The following WDR70 variants were observed in gnomAD, a reference collection of about 807,000 sequenced individuals.
The protein encoded by WDR70 is WD repeat-containing protein 70.
In WDR70, 53 loss-of-function variants were observed where a neutral mutation model predicts 88.6. That is an observed-to-expected ratio of 0.60 (90% CI 0.48 to 0.75). The LOEUF is 0.75. WDR70 is among the 30% of genes least tolerant of loss of function. The pLI, the probability that WDR70 is intolerant of heterozygous loss-of-function variation, is 0.00. For synonymous variants in WDR70, 280 were observed against 270.0 expected (o/e 1.04, Z -0.36); for missense variants, 610 against 823.2 (o/e 0.74, Z 3.17).
In WDR70 at chr5:37,742,663, T is replaced by C. The variant is rs913963006; in HGVS notation, c.1878-9823T>C. On this transcript the variant is annotated intron_variant, in intron 17 of 17. Transcript: ENST00000265107. ...TCCAAGAAATCATTGCCAAATCTAA[T>C]GTCTGTGTTTTCTTCTATGAGTTAT... 3.9e-5 allele frequency among the ~76,000 whole-genome samples: 6 copies of C among 152,226 alleles called. 1 individual carries two copies. The highest frequency in any genetic ancestry group is 3.9e-4 in the Admixed American group (6 of 15,284).
At chr5:37,525,783 A>G (rs1035692923) in intron 9 of WDR70, among the ~76,000 whole-genome samples, 2 of 152,156 alleles carry the variant, frequency 1.3e-5, no homozygotes, top group African/African-American at 4.8e-5. Context: ...GATGCAATAC[A>G]AAAATGATAA....
rs529047860 is a variant in WDR70 at position 37,718,920 on chromosome 5, A to G, written c.1417-2195A>G. Among the ~76,000 whole-genome samples the G allele has an allele frequency of 9.9e-5, 15 of 152,250 alleles. No homozygotes were observed. In the South Asian group the frequency reaches 2.9e-3, roughly 29 times the overall value. The stretch of plus-strand genomic sequence containing the variant: ...AATCAGCATCATTAATAAATAAGTT[A>G]TATATTATATTAAAAGATGATACAT... On this transcript the variant is annotated intron_variant, in intron 13 of 17. Coordinates refer to ENST00000265107, the MANE Select transcript of WDR70 (RefSeq NM_018034.4).
intron 5 of WDR70, among the ~76,000 whole-genome samples, chr5:37,429,923 G>A (rs1245063343): frequency 6.6e-6 from 1 of 152,170 alleles, no homozygotes; most frequent in Non-Finnish European, 1.5e-5. Context: ...TGAATCTGTA[G>A]ATTAGTTTTG....
intron 5 of WDR70, among the ~76,000 whole-genome samples, chr5:37,420,621 G>A (rs1749917359): frequency 6.6e-6 from 1 of 151,848 alleles, no homozygotes; most frequent in South Asian, 2.1e-4. Flanking sequence ...TGTACAGATG[G>A]GGTCTTCATA....
intron 5 of WDR70, among the ~76,000 whole-genome samples, chr5:37,433,559 A>G (rs1254807411): frequency 6.6e-6 from 1 of 152,186 alleles, no homozygotes; most frequent in Admixed American, 6.5e-5. Flanking sequence ...TAAAAATGGC[A>G]TAGTGCTGTA....
intron 10 of WDR70, among the ~76,000 whole-genome samples, chr5:37,690,158 G>A (rs986163955): frequency 6.6e-6 from 1 of 152,142 alleles, no homozygotes; most frequent in Admixed American, 6.5e-5. Flanking sequence ...GACAAGGTTA[G>A]AGAAAAAAGA....
At chr5:37,452,290 A>T (rs1581293147) in intron 7 of WDR70, among the ~76,000 whole-genome samples, 1 of 144,404 alleles carries the variant, frequency 6.9e-6, no homozygotes, top group South Asian at 2.2e-4. Flanking sequence ...TTTGAGATGG[A>T]GTCTGTCTCA....
chr5:37,581,728 G>A (rs1460545615), intron 9 of WDR70, among the ~76,000 whole-genome samples: 2 of 152,102 alleles, frequency 1.3e-5, no homozygotes, highest in African/African-American at 2.4e-5. Context: ...ACATATATAC[G>A]ATTTTAGGTA....
At chr5:37,418,594 T>TA (rs1258974464) in intron 5 of WDR70, among the ~76,000 whole-genome samples, 9 of 152,236 alleles carry the variant, frequency 5.9e-5, no homozygotes, top group African/African-American at 2.2e-4. Context: ...GAAAAAAAGT[T>TA]AGGATGTTCT....
chr5:37,465,784 TA>T (rs1336418237), intron 7 of WDR70, among the ~76,000 whole-genome samples: 1 of 80,392 alleles, frequency 1.2e-5, no homozygotes, highest in Non-Finnish European at 2.4e-5. Flanking sequence ...TTATTTATAT[TA>T]AAAAAATTTC....
At chr5:37,585,053 C>T (rs998678263) in intron 9 of WDR70, among the ~76,000 whole-genome samples, 2 of 149,860 alleles carry the variant, frequency 1.3e-5, no homozygotes, top group Non-Finnish European at 3.0e-5. Flanking sequence ...TGCCATGGCA[C>T]GATATCGGCT....
intron 8 of WDR70, chr5:37,505,737 A>ATAG (rs764432130): frequency 6.9e-6 from 9 of 1,298,702 alleles, no homozygotes; most frequent in Non-Finnish European, 1.0e-5. Context: ...CTCTTCAAAT[A>ATAG]TAGCTCCCTA....
intron 10 of WDR70, among the ~76,000 whole-genome samples, chr5:37,644,054 T>TCACTAA (rs1462304221): frequency 2.6e-5 from 4 of 152,016 alleles, no homozygotes; most frequent in African/African-American, 9.7e-5. Flanking sequence ...ACATCCTTGT[T>TCACTAA]GTGTTCTAGA....
chr5:37,511,124 C>T (rs1468108218), intron 8 of WDR70, among the ~76,000 whole-genome samples: 1 of 152,168 alleles, frequency 6.6e-6, no homozygotes, highest in Non-Finnish European at 1.5e-5. Context: ...TCAAACTTTT[C>T]TCCACAATTT....
intron 5 of WDR70, among the ~76,000 whole-genome samples, chr5:37,418,591 A>T (rs1749835243): frequency 6.6e-6 from 1 of 152,186 alleles, no homozygotes; most frequent in African/African-American, 2.4e-5. Context: ...CATGAAAAAA[A>T]GTTAGGATGT....
At chr5:37,698,701 G>A (rs761166455) in intron 11 of WDR70, among the ~76,000 whole-genome samples, 11 of 152,140 alleles carry the variant, frequency 7.2e-5, no homozygotes, top group South Asian at 4.1e-4. Flanking sequence ...ACAACCCAGT[G>A]TATAGGATAG....
At chr5:37,680,352 T>A (rs913259244) in intron 10 of WDR70, among the ~76,000 whole-genome samples, 6 of 152,220 alleles carry the variant, frequency 3.9e-5, no homozygotes, top group Non-Finnish European at 7.3e-5. Context: ...GTAGGTTGTC[T>A]GTTTACTCTG....
intron 9 of WDR70, among the ~76,000 whole-genome samples, chr5:37,601,136 T>C (rs1467182187): frequency 6.6e-6 from 1 of 152,216 alleles, no homozygotes; most frequent in Non-Finnish European, 1.5e-5. Context: ...CTCTGCACTG[T>C]TGAGTATGAT....
At chr5:37,505,621 G>A (rs147164901) in intron 8 of WDR70, 2 of 752,056 alleles carry the variant, frequency 2.7e-6, no homozygotes. Context: ...AACTGAGTGG[G>A]TGGAGAAAGA....
Sources: gnomAD v4.1 joint callset for allele counts (sites outside exome capture counted in the v4.1 genomes callset) on GRCh38, gnomAD v4.1.1 for gene constraint, MANE v1.5 for transcripts, NCBI Gene and HGNC (gene_info 2026-07-23, HGNC 2026-07-21) for gene names.